MINDY4: variants seen among roughly 807,000 people sequenced by gnomAD.
MINDY4 encodes probable ubiquitin carboxyl-terminal hydrolase MINDY-4.
MINDY4 carries 68 observed loss-of-function variants against 87.0 expected under a neutral mutation model. That is an observed-to-expected ratio of 0.78 (90% CI 0.64 to 0.96). MINDY4 has a LOEUF of 0.96. MINDY4 is among the 40% of genes least tolerant of loss of function. MINDY4 has a pLI of 0.00. For synonymous variants in MINDY4, 379 were observed against 363.2 expected, an observed-to-expected ratio of 1.04 and a Z score of -0.50; for missense variants, 919 against 928.2, an observed-to-expected ratio of 0.99 and a Z score of 0.13.
chr7:30,850,580 G>T lies in MINDY4; in HGVS notation c.1547+25G>T, dbSNP rs746558758. 9 of 1,575,550 alleles carry T rather than the reference G, an allele frequency of 5.7e-6. No individual in the cohort carries two copies. In the South Asian group the frequency reaches 8.1e-5, roughly 14 times the overall value. On this transcript the variant is annotated intron_variant, in intron 10 of 17. Transcript: ENST00000265299. ...TGTAAGTGGTTCCGAGGTCTGTGTT[G>T]CCGTGGCTCATCGTCTGCTGGCAGC...
chr7:30,857,634 G>A (rs1221944260), intron 12 of MINDY4: 1 of 98,676 alleles, frequency 1.0e-5, no homozygotes, highest in East Asian at 3.2e-4. Flanking sequence ...TACCACGCCC[G>A]GCTAATTTTT....
chr7:30,821,118 A>G (rs1410953690), intron 5 of MINDY4, among the ~76,000 whole-genome samples: 1 of 152,174 alleles, frequency 6.6e-6, no homozygotes, highest in Non-Finnish European at 1.5e-5. Flanking sequence ...ATTGTTTCCC[A>G]TTCCCATGCT....
intron 5 of MINDY4, among the ~76,000 whole-genome samples, chr7:30,817,581 G>A (rs1788192551): frequency 6.6e-6 from 1 of 152,106 alleles, no homozygotes; most frequent in Non-Finnish European, 1.5e-5. Flanking sequence ...GGCACCTCCA[G>A]TGTTTGCTGT....
chr7:30,839,361 C>G, intron 8 of MINDY4, 45 bp downstream of exon 8: 5 of 1,246,056 alleles, frequency 4.0e-6, no homozygotes, highest in Non-Finnish European at 5.7e-6. Context: ...GCTGGGCCAT[C>G]ATGCATAGGG....
chr7:30,782,879 A>T (rs1374061144), intron 3 of MINDY4, among the ~76,000 whole-genome samples: 5 of 152,174 alleles, frequency 3.3e-5, no homozygotes, highest in African/African-American at 1.2e-4. Context: ...TAAGGCCTTC[A>T]CCTGATAGGA....
chr7:30,817,557 C>T (rs112454222), intron 5 of MINDY4, among the ~76,000 whole-genome samples: 3 of 152,112 alleles, frequency 2.0e-5, no homozygotes, highest in Admixed American at 6.5e-5. Context: ...AGTACAGCAC[C>T]GCTGTCCCTG....
chr7:30,791,135 C>T (rs746641633), intron 4 of MINDY4, 30 bp from the exon 5 acceptor site: 2 of 1,566,008 alleles, frequency 1.3e-6, no homozygotes, highest in Non-Finnish European at 1.7e-6. Context: ...CTCAAAGGGT[C>T]CTCACTGCTT....
At chr7:30,835,981 A>G (rs1169305521) in intron 6 of MINDY4, among the ~76,000 whole-genome samples, 1 of 152,206 alleles carries the variant, frequency 6.6e-6, no homozygotes, top group Admixed American at 6.5e-5. Context: ...GGTCCAGGAC[A>G]GTGGGATGGT....
At chr7:30,822,190 T>A (rs76460805) in intron 5 of MINDY4, among the ~76,000 whole-genome samples, 2 of 151,908 alleles carry the variant, frequency 1.3e-5, no homozygotes, top group Non-Finnish European at 2.9e-5. Flanking sequence ...TTTTTTTTTT[T>A]CTTTTGAGAC....
intron 13 of MINDY4, among the ~76,000 whole-genome samples, chr7:30,870,719 C>G (rs1343892132): frequency 6.6e-6 from 1 of 152,222 alleles, no homozygotes; most frequent in Non-Finnish European, 1.5e-5. Flanking sequence ...TATGGCAGAT[C>G]TTAGATTTAA....
chr7:30,887,379 A>G (rs1410767517), intron 17 of MINDY4, among the ~76,000 whole-genome samples: 1 of 152,096 alleles, frequency 6.6e-6, no homozygotes, highest in African/African-American at 2.4e-5. Flanking sequence ...TAGTTTCCCC[A>G]TCTGTCCCTG....
intron 5 of MINDY4, among the ~76,000 whole-genome samples, chr7:30,820,301 T>C (rs1002257737): frequency 2.0e-5 from 3 of 152,250 alleles, no homozygotes; most frequent in African/African-American, 7.2e-5. Context: ...TGAATTTATT[T>C]GTCCTGTTAT....
At chr7:30,845,341 C>T (rs568517490) in intron 9 of MINDY4, among the ~76,000 whole-genome samples, 96 of 152,238 alleles carry the variant, frequency 6.3e-4, no homozygotes, top group African/African-American at 2.2e-3. Flanking sequence ...CACTGGGTCA[C>T]GTGGGCAGGA....
chr7:30,773,582 G>A (rs534672774), intron 1 of MINDY4, among the ~76,000 whole-genome samples: 2 of 152,224 alleles, frequency 1.3e-5, no homozygotes, highest in South Asian at 4.1e-4. Flanking sequence ...TAGTCTCCTG[G>A]AGATGGCAGG....
intron 13 of MINDY4, among the ~76,000 whole-genome samples, chr7:30,861,288 C>A (rs898724321): frequency 6.6e-6 from 1 of 152,210 alleles, no homozygotes; most frequent in Non-Finnish European, 1.5e-5. Flanking sequence ...TCATTGCCAG[C>A]GGTAAGGATA....
rs1789455048 is a variant in MINDY4 at position 30,852,850 on chromosome 7, G to C, written c.1612-544G>C. Reference sequence around the variant, plus strand: ...TTGTTTTAACAAATTAGTTTCATTTGACCTCGGTTTGGGCACGTGTTGCCC... The same window carrying C: ...TTGTTTTAACAAATTAGTTTCATTTCACCTCGGTTTGGGCACGTGTTGCCC... On this transcript the variant is annotated intron_variant, in intron 11 of 17. Coordinates refer to ENST00000265299, the MANE Select transcript of MINDY4 (RefSeq NM_032222.3). 1.3e-5 allele frequency among the ~76,000 whole-genome samples: 2 copies of C among 152,154 alleles called. 1 individual carries two copies. The highest frequency in any genetic ancestry group is 1.3e-4 in the Admixed American group (2 of 15,282).
rs200594752 is a variant in MINDY4 at position 30,871,506 on chromosome 7, C to T, written c.1746-737C>T. On this transcript the variant is annotated intron_variant, in intron 13 of 17. Transcript: ENST00000265299. ...TTTCTGCCTCACGTGTGGCACACCT[C>T]TGCTCACCGGGATACTGAATTGTTC... Among the ~76,000 whole-genome samples, 14 of 152,368 alleles carry T rather than the reference C, an allele frequency of 9.2e-5. No individual in the cohort carries two copies. The East Asian group carries it at 1.7e-3, about 19-fold the overall frequency.
intron 1 of MINDY4, among the ~76,000 whole-genome samples, chr7:30,774,801 AGTTTCTCTGTCCTGT>A (rs1786758840): frequency 6.6e-6 from 1 of 151,500 alleles, no homozygotes; most frequent in Non-Finnish European, 1.5e-5. Context: ...TGGTCCCCCT[AGTTTCTCTGTCCTGT>A]GCACTCTGGT....
intron 13 of MINDY4, among the ~76,000 whole-genome samples, chr7:30,866,496 G>C (rs1334745716): frequency 6.6e-6 from 1 of 152,168 alleles, no homozygotes; most frequent in Non-Finnish European, 1.5e-5. Flanking sequence ...GTGCACCTGC[G>C]GGGTCTGGAG....
Sources: gnomAD v4.1 joint callset for allele counts (sites outside exome capture counted in the v4.1 genomes callset) on GRCh38, gnomAD v4.1.1 for gene constraint, MANE v1.5 for transcripts, NCBI Gene and HGNC (gene_info 2026-07-23, HGNC 2026-07-21) for gene names.